FAS: variants seen among roughly 807,000 people sequenced by gnomAD.
FAS encodes the protein Fas cell surface death receptor.
In FAS, 5 loss-of-function variants were observed where a neutral mutation model predicts 33.2. The observed-to-expected ratio is 0.15, with a 90% CI of 0.08 to 0.32. The LOEUF is 0.32. FAS is among the 10% of genes least tolerant of loss of function. The pLI is 1.00. For missense variants in FAS, 339 were observed against 386.0 expected, an observed-to-expected ratio of 0.88 and a Z score of 1.02; for synonymous variants, 131 against 130.7, an observed-to-expected ratio of 1.00 and a Z score of -0.01.
intron 1 of FAS, chr10:88,991,430 C>T: frequency 9.3e-6 from 2 of 214,174 alleles, no homozygotes; most frequent in Non-Finnish European, 1.9e-5. Flanking sequence ...CATTTTCTGG[C>T]AGTTCTCAGA....
upstream of FAS, among the ~76,000 whole-genome samples, chr10:88,989,996 AT>A (rs1035939637): frequency 2.0e-5 from 3 of 151,974 alleles, no homozygotes; most frequent in Admixed American, 6.6e-5. Flanking sequence ...GAATTACAAG[AT>A]TTTTTTTTAA....
intron 1 of FAS, among the ~76,000 whole-genome samples, chr10:88,964,709 A>G (rs1007143007): frequency 6.6e-6 from 1 of 152,170 alleles, no homozygotes. Flanking sequence ...AGAGAGGCAT[A>G]TTTTGGGGTG....
chr10:89,013,549 C>T (rs1363396267), intron 8 of FAS, among the ~76,000 whole-genome samples, 182 bp downstream of exon 8: 1 of 152,104 alleles, frequency 6.6e-6, no homozygotes, highest in Non-Finnish European at 1.5e-5. Context: ...ATAATGAATA[C>T]TCATAGTTAA....
chr10:88,993,396 G>C (rs886777202), intron 1 of FAS, among the ~76,000 whole-genome samples: 1 of 151,892 alleles, frequency 6.6e-6, no homozygotes, highest in Non-Finnish European at 1.5e-5. Flanking sequence ...ATGCCAGCTT[G>C]CTAATTGAAG....
At chr10:88,983,872 G>A (rs1228002875), upstream of FAS, among the ~76,000 whole-genome samples, 3 of 152,178 alleles carry the variant, frequency 2.0e-5, no homozygotes, top group African/African-American at 4.8e-5. Context: ...AGGAATGCCT[G>A]CTTAGTGTCT....
intron 2 of FAS, among the ~76,000 whole-genome samples, chr10:89,006,880 CTT>C (rs913010807): frequency 4.6e-5 from 3 of 65,280 alleles, no homozygotes; most frequent in South Asian, 6.4e-4. Context: ...CAGTGACAAA[CTT>C]TATTTTTAAG....
At position 88,990,972 on chromosome 10, in the gene FAS, C is replaced by A; in HGVS notation, c.30+66C>A. 1.2e-6 allele frequency: 2 copies of A among 1,608,606 alleles called. No homozygotes were observed. The highest frequency in any genetic ancestry group is 1.7e-6 in the Non-Finnish European group (2 of 1,175,340). On this transcript the variant is annotated intron_variant, in intron 1 of 8. Coordinates refer to ENST00000652046, the MANE Select transcript of FAS (RefSeq NM_000043.6). The surrounding 1 kb of genome is among the most constrained non-coding windows in gnomAD (Gnocchi z 4.9). ...AGTCCCGGGGATAGGCAAAGTGGGG[C>A]GGGCGCGGGACGCGTGCGGGATTGC...
chr10:89,013,379 A>G lies in FAS; in HGVS notation c.676+12A>G, dbSNP rs777843173. The G allele has an allele frequency of 6.2e-7, 1 of 1,611,298 alleles. No individual in the cohort carries two copies. On this transcript the variant is annotated intron_variant, in intron 8 of 8. Transcript: ENST00000652046. ...AATAAATTTATCTGGTAAGGCTTTT[A>G]TCATTTTATTTCATAGAGATGGCAT... is the stretch of plus-strand genomic sequence containing the variant.
upstream of FAS, among the ~76,000 whole-genome samples, chr10:88,986,592 A>G (rs191162469): frequency 7.2e-5 from 11 of 152,302 alleles, no homozygotes; most frequent in East Asian, 2.1e-3. Context: ...GCTTTAGGAC[A>G]CTTTTCTTAG....
rs1037358132 is a variant in FAS at position 88,981,320 on chromosome 10, T to C, written n.260+7973T>C. On this transcript the variant is annotated intron_variant and non_coding_transcript_variant, in intron 2 of 3. Coordinates refer to the FAS transcript ENST00000688239. ...CATTGTGTGCATAAAGCACTTTTCCTGTGCAGTTAAACCCTTGATAAATAT... is the reference window on the plus strand; with the variant it reads ...CATTGTGTGCATAAAGCACTTTTCCCGTGCAGTTAAACCCTTGATAAATAT... Among the ~76,000 whole-genome samples the C allele has an allele frequency of 3.9e-5, 6 of 152,230 alleles. No individual in the cohort carries two copies. The East Asian group carries it at 1.2e-3, about 29-fold the overall frequency.
rs1485548531 is a variant in FAS, at chr10:89,015,424, C to A, written c.*974C>A. The A allele has an allele frequency of 1.9e-6, 1 of 530,688 alleles. No individual in the cohort carries two copies. Among genetic ancestry groups the A allele is most frequent in the African/African-American group, 1.9e-5 (1 of 53,638 alleles). The allele number at this position is 530,688 out of a possible 1,614,324, so 32.9% of individuals were successfully genotyped here. A position where few individuals can be genotyped will look rare whatever the true frequency, so the allele number is the denominator to read the frequency against. On this transcript the variant is annotated 3_prime_UTR_variant, in exon 9 of 9. Transcript: ENST00000652046. ...AAAATAGATTCTTATTTTTCCCCCA[C>A]CCCCGAAAATGTTCAATAATGTCCC...
chr10:89,002,656 C>A, intron 1 of FAS: 2 of 302,548 alleles, frequency 6.6e-6, no homozygotes, highest in Non-Finnish European at 1.3e-5. Context: ...TGCATTATTC[C>A]ACGTATTTTC....
intron 2 of FAS, among the ~76,000 whole-genome samples, chr10:89,006,914 A>T (rs1382421396): frequency 6.6e-6 from 1 of 152,226 alleles, no homozygotes; most frequent in African/African-American, 2.4e-5. Context: ...AAATATGTAT[A>T]TTATTTAAAA....
At chr10:89,004,505 T>C (rs948917630) in intron 2 of FAS, among the ~76,000 whole-genome samples, 2 of 120,256 alleles carry the variant, frequency 1.7e-5, no homozygotes, top group South Asian at 3.1e-4. Context: ...CCCAATGCTA[T>C]CCCTCCCCCC....
Position 89,014,162 on chromosome 10 carries a change from G to T in FAS, c.720G>T (p.Met240Ile). The T allele has an allele frequency of 6.2e-7, 1 of 1,613,778 alleles. No homozygotes were observed. Among genetic ancestry groups the T allele is most frequent in the South Asian group, 1.1e-5 (1 of 91,010 alleles). The change falls in exon 9 of 9, where the codon ATG becomes ATT. Residue 240 changes from methionine (M) to isoleucine (I), a missense_variant. Met to Ile is a conservative substitution (Grantham distance 10). Around this residue, in one of 3 missense-constraint regions of FAS, gnomAD observed 276 missense variants for 300.1 expected, o/e 0.92. Transcript: ENST00000652046. ...ATATCACCACTATTGCTGGAGTCAT[G>T]ACACTAAGTCAAGTTAAAGGCTTTG... ...SKYITTIAGV[M>I]TLSQVKGFVR...
upstream of FAS, among the ~76,000 whole-genome samples, chr10:88,984,556 T>G (rs1183926180): frequency 6.6e-6 from 1 of 152,226 alleles, no homozygotes; most frequent in East Asian, 1.9e-4. Flanking sequence ...ACATAAGATA[T>G]CCCAGTGTTT....
chr10:88,975,308 T>G (rs1351719883), intron 2 of FAS, among the ~76,000 whole-genome samples: 1 of 152,206 alleles, frequency 6.6e-6, no homozygotes, highest in Admixed American at 6.5e-5. Flanking sequence ...AGAAACCGTG[T>G]ACAGAGCAGC....
At chr10:89,011,691 A>C (rs1161467529) in intron 6 of FAS, among the ~76,000 whole-genome samples, 2 of 152,166 alleles carry the variant, frequency 1.3e-5, no homozygotes, top group Admixed American at 6.5e-5. Flanking sequence ...ATCCTGCCAT[A>C]GTCTTGCCGT....
upstream of FAS, among the ~76,000 whole-genome samples, chr10:88,982,199 G>A (rs1275813998): frequency 1.3e-5 from 2 of 152,076 alleles, no homozygotes; most frequent in Non-Finnish European, 2.9e-5. Flanking sequence ...CACCTATATT[G>A]TGCACACAAT....
Sources: gnomAD v4.1 joint callset for allele counts (sites outside exome capture counted in the v4.1 genomes callset) on GRCh38, gnomAD v4.1.1 for gene constraint, gnomAD v4.1.1 regional missense constraint, Gnocchi (gnomAD v3.1) non-coding constraint, MANE v1.5 for transcripts, NCBI Gene and HGNC (gene_info 2026-07-23, HGNC 2026-07-21) for gene names.